TSTD2: variants seen among roughly 807,000 people sequenced by gnomAD.
TSTD2 encodes thiosulfate sulfurtransferase like domain containing 2.
In TSTD2, 37 loss-of-function variants were observed where a neutral mutation model predicts 47.9. The ratio of observed to expected loss-of-function variants is 0.77; its 90% CI spans 0.59 to 1.02. The LOEUF (loss-of-function observed/expected upper bound fraction) is 1.02. Among genes scored for constraint, TSTD2 ranks in the 50% least tolerant of loss-of-function variants. The pLI is 0.00. For synonymous variants in TSTD2, 201 were observed against 215.9 expected (o/e 0.93, Z 0.61); for missense variants, 586 against 616.0 (o/e 0.95, Z 0.52).
At chr9:97,604,465 G>A in intron 9 of TSTD2, 1 of 411,304 alleles carries the variant, frequency 2.4e-6, no homozygotes, top group Non-Finnish European at 4.3e-6. Flanking sequence ...GGCAGGCAGG[G>A]CAGGTGAGAT....
Position 97,606,079 on chromosome 9 carries a change from A to G in TSTD2, c.954+64T>C, listed in dbSNP as rs536418087. The G allele has an allele frequency of 4.6e-5, 55 of 1,207,016 alleles. 2 individuals are homozygous for G. The highest frequency in any genetic ancestry group is 3.9e-4 in the South Asian group (32 of 81,222). 74.8% of individuals were successfully genotyped at this position (1,207,016 alleles called of 1,614,324 possible). On this transcript the variant is annotated intron_variant, in intron 7 of 9. Transcript: ENST00000341170. Reference sequence around the variant, plus strand: ...CACACACAAGGTCCCCTTGGGAAATATACCACACTGTGGGAATGGGGAGAT... The same window carrying G: ...CACACACAAGGTCCCCTTGGGAAATGTACCACACTGTGGGAATGGGGAGAT...
intron 6 of TSTD2, among the ~76,000 whole-genome samples, chr9:97,606,980 C>T (rs1470654340): frequency 6.6e-6 from 1 of 152,072 alleles, no homozygotes; most frequent in Non-Finnish European, 1.5e-5. Context: ...GCCTGGGGAA[C>T]ATAGCGAGAC....
At chr9:97,632,619 A>G (rs1826848769) in intron 1 of TSTD2, among the ~76,000 whole-genome samples, 2 of 152,038 alleles carry the variant, frequency 1.3e-5, no homozygotes, top group African/African-American at 4.8e-5. Context: ...CCTAGGCTCA[A>G]GCGGATCCGC....
chr9:97,612,489 T>C (rs1447512687), intron 4 of TSTD2, among the ~76,000 whole-genome samples: 1 of 152,252 alleles, frequency 6.6e-6, no homozygotes, highest in African/African-American at 2.4e-5. Context: ...CCTTTTTCTC[T>C]ACAACCTCAC....
intron 3 of TSTD2, among the ~76,000 whole-genome samples, chr9:97,622,393 C>T (rs1257307625): frequency 1.3e-5 from 2 of 152,252 alleles, no homozygotes; most frequent in East Asian, 1.9e-4. Context: ...ATGGAAACAC[C>T]TGGATGCCCA....
Position 97,601,133 on chromosome 9 carries a change from C to T in TSTD2, c.*1336G>A. 3.1e-6 allele frequency: 4 copies of T among 1,304,158 alleles called. No homozygotes were observed. The highest frequency in any genetic ancestry group is 4.0e-6 in the Non-Finnish European group (4 of 988,904). The allele number at this position is 1,304,158 out of a possible 1,614,324, so 80.8% of individuals were successfully genotyped here. A position where few individuals can be genotyped will look rare whatever the true frequency, so the allele number is the denominator to read the frequency against. On this transcript the variant is annotated 3_prime_UTR_variant, in exon 10 of 10. Transcript: ENST00000341170. ...GTGTCCACTGAGGCTGCACATGGCC[C>T]AGGAGTGGCACCATGTTGCAGGGAC...
chr9:97,622,672 G>A (rs1415061304), intron 3 of TSTD2, among the ~76,000 whole-genome samples: 2 of 152,280 alleles, frequency 1.3e-5, no homozygotes, highest in African/African-American at 2.4e-5. Context: ...CAAAGGCGGA[G>A]TTGCCCAGTA....
At chr9:97,623,569 T>G (rs1826672986) in intron 3 of TSTD2, among the ~76,000 whole-genome samples, 1 of 152,184 alleles carries the variant, frequency 6.6e-6, no homozygotes, top group South Asian at 2.1e-4. Context: ...CCAAGAAACC[T>G]TGCAAACAGG....
At chr9:97,604,226 A>G (rs1258852891) in intron 9 of TSTD2, 1 of 153,022 alleles carries the variant, frequency 6.5e-6, no homozygotes, top group African/African-American at 2.4e-5. Context: ...CATGATATGA[A>G]AGTATTGTGA....
chr9:97,625,733 C>A lies in TSTD2; in HGVS notation c.430G>T (p.Val144Leu), dbSNP rs199656081. 1.7e-5 allele frequency: 27 copies of A among 1,614,024 alleles called. No homozygotes were observed. The East Asian group carries it at 2.7e-4, about 16-fold the overall frequency. Residue 144 changes from valine (V) to leucine (L), a missense_variant, in exon 3 of 10, where the codon GTG becomes TTG. By Grantham distance (32) the Val-to-Leu change is conservative (BLOSUM62 1). Coordinates refer to ENST00000341170, the MANE Select transcript of TSTD2 (RefSeq NM_139246.5). ...CTTATATCAGGGAGCCAAGCAGACA[C>A]GTCATGGCTATGTGGAAGGCACTCT... Reference protein sequence around the residue: ...LKECLPHSHDVSAWLPDISCF... With the variant: ...LKECLPHSHDLSAWLPDISCF...
At chr9:97,630,052 C>T (rs754181865) in intron 1 of TSTD2, among the ~76,000 whole-genome samples, 1 of 152,166 alleles carries the variant, frequency 6.6e-6, no homozygotes, top group Non-Finnish European at 1.5e-5. Flanking sequence ...CAAGTGTCAC[C>T]TTTCACTTAT....
intron 4 of TSTD2, 125 bp from the exon 5 acceptor site, chr9:97,611,824 A>G: frequency 3.3e-6 from 3 of 917,376 alleles, no homozygotes; most frequent in African/African-American, 1.6e-5. Context: ...TGATGAGGAC[A>G]CCAAAGTGTT....
At chr9:97,621,644 G>A (rs981889815) in intron 3 of TSTD2, among the ~76,000 whole-genome samples, 4 of 152,136 alleles carry the variant, frequency 2.6e-5, no homozygotes, top group South Asian at 2.1e-4. Flanking sequence ...GATGAAATAC[G>A]CTCTGGTCTC....
At chr9:97,631,178 G>A (rs1340413967) in intron 1 of TSTD2, among the ~76,000 whole-genome samples, 1 of 152,114 alleles carries the variant, frequency 6.6e-6, no homozygotes, top group East Asian at 1.9e-4. Context: ...GTGCAGTGGG[G>A]TGATCTCGGC....
chr9:97,604,934 C>CGG (rs1826340514), intron 8 of TSTD2, 69 bp from the exon 9 acceptor site: 1 of 1,580,752 alleles, frequency 6.3e-7, no homozygotes, highest in Admixed American at 1.8e-5. Context: ...CACGGAAGAA[C>CGG]GGCGCATGGC....
chr9:97,606,373 CTT>C (rs1826365786), intron 6 of TSTD2, 112 bp from the exon 7 acceptor site: 1 of 629,996 alleles, frequency 1.6e-6, no homozygotes, highest in East Asian at 2.7e-5. Flanking sequence ...ACCCAAATCT[CTT>C]CTCTTCATAA....
At position 97,602,750 on chromosome 9, in the gene TSTD2, C is replaced by T; in HGVS notation, c.1270G>A (p.Ala424Thr). Reference protein sequence around the residue: ...DVVSECSYCGARWDQYKLCST... With the variant: ...DVVSECSYCGTRWDQYKLCST... ...CAGAGTTTATACTGGTCCCAGCGGG[C>T]TCCACAGTATGAACACTCTGGGGAG... is the stretch of plus-strand genomic sequence containing the variant. Residue 424 changes from alanine (A) to threonine (T), a missense_variant, in exon 10 of 10, where the codon GCC (alanine) becomes ACC (threonine). Transcript: ENST00000341170. 6.2e-7 allele frequency: 1 copy of T among 1,612,594 alleles called. No homozygotes were observed. Among genetic ancestry groups the T allele is most frequent in the Middle Eastern group, 1.7e-4 (1 of 6,046 alleles).
chr9:97,628,953 G>C (rs1043547021), intron 1 of TSTD2, among the ~76,000 whole-genome samples: 7 of 152,152 alleles, frequency 4.6e-5, no homozygotes, highest in African/African-American at 1.7e-4. Context: ...GCAGAGACAA[G>C]GTGTCCCTGT....
intron 7 of TSTD2, among the ~76,000 whole-genome samples, 183 bp downstream of exon 7, chr9:97,605,960 T>C (rs1051498917): frequency 2.6e-5 from 4 of 152,230 alleles, no homozygotes; most frequent in Non-Finnish European, 5.9e-5. Flanking sequence ...ATTCATATTT[T>C]CTTAGACTCT....
Sources: allele counts gnomAD v4.1 joint callset (sites outside exome capture counted in the v4.1 genomes callset), GRCh38; gene constraint gnomAD v4.1.1; transcripts MANE v1.5; gene names NCBI Gene and HGNC (gene_info 2026-07-23, HGNC 2026-07-21).